The following SPATA16 variants were observed in gnomAD, a reference collection of about 807,000 sequenced individuals.
The protein encoded by SPATA16 is spermatogenesis-associated protein 16.
SPATA16 carries 36 observed loss-of-function variants against 63.3 expected under a neutral mutation model. That is an observed-to-expected ratio of 0.57 (90% confidence interval 0.44 to 0.75). SPATA16 has a LOEUF of 0.75. Among genes scored for constraint, SPATA16 ranks in the 30% least tolerant of loss-of-function variants. The probability of loss-of-function intolerance (pLI) is 0.00; values close to 1 mark genes in which losing one functional copy is unlikely to be tolerated. For synonymous variants in SPATA16, 203 were observed against 216.7 expected (o/e 0.94, Z 0.56); for missense variants, 646 against 679.3 (o/e 0.95, Z 0.54).
At chr3:172,904,907 C>T (rs1732200687) in intron 10 of SPATA16, among the ~76,000 whole-genome samples, 1 of 152,120 alleles carries the variant, frequency 6.6e-6, no homozygotes, top group Non-Finnish European at 1.5e-5. Flanking sequence ...GAGGCTCTGC[C>T]AGGACTTTGG....
At chr3:173,085,116 CA>C (rs1401304404) in intron 2 of SPATA16, among the ~76,000 whole-genome samples, 1 of 152,098 alleles carries the variant, frequency 6.6e-6, no homozygotes, top group Non-Finnish European at 1.5e-5. Flanking sequence ...GCAGTATGGC[CA>C]TTTTCATGAT....
intron 2 of SPATA16, among the ~76,000 whole-genome samples, chr3:173,051,092 A>G (rs9877604): frequency 0.012 from 1,889 of 152,382 alleles, 36 homozygotes; most frequent in South Asian, 0.045. Flanking sequence ...GAAGATTTTT[A>G]TATGACATGA....
At chr3:173,043,974 A>G (rs1735903931) in intron 3 of SPATA16, among the ~76,000 whole-genome samples, 2 of 152,054 alleles carry the variant, frequency 1.3e-5, no homozygotes, top group Non-Finnish European at 2.9e-5. Context: ...AGTGATTTGT[A>G]TCATTGTTCC....
In SPATA16 at chr3:172,931,674, A is replaced by G. The variant is rs377370736; in HGVS notation, c.1082-6182T>C. 7.2e-5 allele frequency among the ~76,000 whole-genome samples: 11 copies of G among 152,370 alleles called. 1 individual carries two copies. Among genetic ancestry groups the G allele is most frequent in the South Asian group, 2.1e-4 (1 of 4,830 alleles). On this transcript the variant is annotated intron_variant, in intron 6 of 10. Transcript: ENST00000351008. ...GGTCCAAATAAGAATAGAACTGCAA[A>G]AAATCAAAACTAATAAAATATCTAG...
At chr3:173,031,038 G>A (rs1374587111) in intron 3 of SPATA16, among the ~76,000 whole-genome samples, 3 of 151,986 alleles carry the variant, frequency 2.0e-5, no homozygotes, top group African/African-American at 7.2e-5. Flanking sequence ...CAAATTTATG[G>A]GGACAGGAAG....
At chr3:172,948,854 TG>T (rs1007662939) in intron 6 of SPATA16, among the ~76,000 whole-genome samples, 1 of 152,204 alleles carries the variant, frequency 6.6e-6, no homozygotes, top group African/African-American at 2.4e-5. Context: ...TAATGCTTTT[TG>T]CAACGTGGAA....
intron 6 of SPATA16, among the ~76,000 whole-genome samples, chr3:172,931,168 C>T (rs1732862681): frequency 6.6e-6 from 1 of 152,174 alleles, no homozygotes; most frequent in South Asian, 2.1e-4. Flanking sequence ...AGTGAATCTC[C>T]TGTTTCATAG....
At chr3:172,903,994 G>T (rs1732182312) in intron 10 of SPATA16, among the ~76,000 whole-genome samples, 2 of 152,194 alleles carry the variant, frequency 1.3e-5, no homozygotes, top group South Asian at 4.1e-4. Flanking sequence ...TTTAATATAA[G>T]TGTGCTAGTC....
At chr3:173,001,218 T>C (rs1286600450) in intron 4 of SPATA16, among the ~76,000 whole-genome samples, 3 of 151,806 alleles carry the variant, frequency 2.0e-5, no homozygotes, top group Middle Eastern at 3.5e-3. Context: ...TCTCAGTCTT[T>C]TAGTGAGCCT....
In SPATA16 at chr3:173,095,919, A is replaced by G. The variant is rs182174573; in HGVS notation, c.612+21201T>C. ...TCTAAGCATTTTTAAGAGAAATGAC[A>G]TTAGACTTGGTGCATTAGAAACTAT... On this transcript the variant is annotated intron_variant, in intron 2 of 10. Transcript: ENST00000351008. 4.0e-3 allele frequency among the ~76,000 whole-genome samples: 605 copies of G among 152,246 alleles called. 1 individual carries two copies. Among genetic ancestry groups the G allele is most frequent in the Non-Finnish European group, 7.1e-3 (482 of 67,986 alleles).
At chr3:173,069,147 A>G (rs187529630) in intron 2 of SPATA16, among the ~76,000 whole-genome samples, 11 of 151,612 alleles carry the variant, frequency 7.3e-5, no homozygotes, top group African/African-American at 2.7e-4. Flanking sequence ...AATACAGTTC[A>G]TAGCAGAAAT....
intron 2 of SPATA16, among the ~76,000 whole-genome samples, chr3:173,085,355 T>C (rs1458489161): frequency 2.0e-5 from 3 of 152,162 alleles, no homozygotes; most frequent in Non-Finnish European, 4.4e-5. Context: ...TTTTTGCACA[T>C]TGATTTTGTA....
chr3:173,101,137 G>A (rs925563152), intron 2 of SPATA16, among the ~76,000 whole-genome samples: 3 of 152,072 alleles, frequency 2.0e-5, no homozygotes, highest in Non-Finnish European at 4.4e-5. Flanking sequence ...GGCTTGCTGA[G>A]CTTTGAAGAA....
At chr3:172,895,596 A>T (rs901537609) in intron 10 of SPATA16, among the ~76,000 whole-genome samples, 1 of 152,060 alleles carries the variant, frequency 6.6e-6, no homozygotes, top group African/African-American at 2.4e-5. Context: ...TCAGCCTCCC[A>T]AAGTGCTGGG....
rs140574722 is a variant in SPATA16, at chr3:172,892,852, T to C, written c.1588-3160A>G. On this transcript the variant is annotated intron_variant, in intron 10 of 10. Transcript: ENST00000351008. Reference sequence around the variant, plus strand: ...TATCAGATAGGCTACTTTGTCATTCTGGGTCTAATTTTCCCCGTTGAAAAA... The same window carrying C: ...TATCAGATAGGCTACTTTGTCATTCCGGGTCTAATTTTCCCCGTTGAAAAA... 6.5e-4 allele frequency among the ~76,000 whole-genome samples: 99 copies of C among 152,362 alleles called. No individual in the cohort carries two copies. In the East Asian group the frequency reaches 0.017, roughly 26 times the overall value.
chr3:172,959,105 A>G (rs1240729058), intron 5 of SPATA16, among the ~76,000 whole-genome samples: 2 of 140,346 alleles, frequency 1.4e-5, no homozygotes, highest in African/African-American at 5.4e-5. Flanking sequence ...GCAAAGGTAT[A>G]ATCCTCCAGT....
At chr3:173,084,714 T>A (rs1737005494) in intron 2 of SPATA16, among the ~76,000 whole-genome samples, 1 of 152,158 alleles carries the variant, frequency 6.6e-6, no homozygotes, top group Non-Finnish European at 1.5e-5. Context: ...AAGGAAAGGG[T>A]CCAGGTTCAA....
chr3:173,112,273 G>A (rs13070480), intron 2 of SPATA16, among the ~76,000 whole-genome samples: 46,203 of 152,090 alleles, frequency 0.3, 7,311 homozygotes, highest in African/African-American at 0.37. Flanking sequence ...AAATGTAGGG[G>A]CCAAACTTCA....
chr3:173,128,155 G>A (rs961541440), intron 1 of SPATA16, among the ~76,000 whole-genome samples: 2 of 152,162 alleles, frequency 1.3e-5, no homozygotes, highest in African/African-American at 2.4e-5. Flanking sequence ...ACTGAAGTTG[G>A]TCTACAGGCT....
Sources: gnomAD v4.1 joint callset for allele counts (sites outside exome capture counted in the v4.1 genomes callset) on GRCh38, gnomAD v4.1.1 for gene constraint, MANE v1.5 for transcripts, NCBI Gene and HGNC (gene_info 2026-07-23, HGNC 2026-07-21) for gene names.